NALF1: variants seen among roughly 807,000 people sequenced by gnomAD.
NALF1 encodes NALCN channel auxiliary factor 1.
In NALF1, 3 loss-of-function variants were observed where a neutral mutation model predicts 48.4. That is an observed-to-expected ratio of 0.06 (90% CI 0.03 to 0.16). The LOEUF is 0.16. NALF1 is among the 10% of genes least tolerant of loss of function. The pLI is 1.00. For missense variants in NALF1, 526 were observed against 571.5 expected (o/e 0.92, Z 0.81); for synonymous variants, 262 against 245.7 (o/e 1.07, Z -0.62).
chr13:107,346,348 C>T (rs115315531), intron 1 of NALF1, among the ~76,000 whole-genome samples: 2,469 of 152,152 alleles, frequency 0.016, 76 homozygotes, highest in African/African-American at 0.056. Flanking sequence ...CAGCATTATA[C>T]GCAATATCCA....
At chr13:107,611,066 A>C (rs1350262894) in intron 1 of NALF1, among the ~76,000 whole-genome samples, 1 of 152,160 alleles carries the variant, frequency 6.6e-6, no homozygotes, top group African/African-American at 2.4e-5. Flanking sequence ...ATATCACAAG[A>C]GCAGAAACTG....
intron 1 of NALF1, among the ~76,000 whole-genome samples, chr13:107,725,889 A>G (rs548748019): frequency 6.6e-6 from 1 of 152,254 alleles, no homozygotes; most frequent in African/African-American, 2.4e-5. Context: ...CATATTGCCG[A>G]GTATCCCAGG....
intron 1 of NALF1, among the ~76,000 whole-genome samples, chr13:107,430,652 G>A (rs940091368): frequency 1.3e-5 from 2 of 152,114 alleles, no homozygotes; most frequent in Middle Eastern, 3.2e-3. Flanking sequence ...TGGCTGCATA[G>A]TATTCCATGG....
intron 1 of NALF1, among the ~76,000 whole-genome samples, chr13:107,835,781 G>A (rs1013410444): frequency 6.6e-6 from 1 of 152,094 alleles, no homozygotes; most frequent in Admixed American, 6.5e-5. Context: ...GTGCCAGGCT[G>A]GGGGTTTCGC....
At chr13:107,699,675 C>A (rs377382416) in intron 1 of NALF1, among the ~76,000 whole-genome samples, 10 of 152,012 alleles carry the variant, frequency 6.6e-5, no homozygotes, top group Admixed American at 1.3e-4. Context: ...CAAAAGCAAT[C>A]AGACAAGAAA....
chr13:107,543,985 T>TA (rs56196273), intron 1 of NALF1, among the ~76,000 whole-genome samples: 10 of 152,034 alleles, frequency 6.6e-5, no homozygotes, highest in African/African-American at 2.4e-4. Flanking sequence ...ACCAATTTTT[T>TA]AAAAAATCTA....
chr13:107,847,096 A>G (rs1880191740), intron 1 of NALF1, among the ~76,000 whole-genome samples: 1 of 152,012 alleles, frequency 6.6e-6, no homozygotes, highest in Non-Finnish European at 1.5e-5. Flanking sequence ...GTTTTGGGGA[A>G]AAAAAGAAAA....
intron 1 of NALF1, among the ~76,000 whole-genome samples, chr13:107,317,039 A>T (rs1882163505): frequency 6.6e-6 from 1 of 152,148 alleles, no homozygotes; most frequent in Non-Finnish European, 1.5e-5. Flanking sequence ...AAAACTATTG[A>T]TTGCTATTTA....
intron 1 of NALF1, among the ~76,000 whole-genome samples, chr13:107,534,480 T>C (rs1326574188): frequency 6.6e-6 from 1 of 152,172 alleles, no homozygotes; most frequent in Admixed American, 6.6e-5. Flanking sequence ...TTCCATCTTT[T>C]ATTAAGTTCA....
intron 1 of NALF1, among the ~76,000 whole-genome samples, chr13:107,418,478 T>A (rs1023776867): frequency 1.3e-5 from 2 of 152,166 alleles, no homozygotes; most frequent in African/African-American, 4.8e-5. Context: ...ATAATAAAGA[T>A]TTGTTTCTCT....
chr13:107,289,509 C>A (rs544176086), intron 1 of NALF1, among the ~76,000 whole-genome samples: 35 of 152,190 alleles, frequency 2.3e-4, no homozygotes, highest in African/African-American at 8.2e-4. Context: ...CAGAGGTATA[C>A]CATGTATGTT....
At chr13:107,746,388 G>A (rs953771955) in intron 1 of NALF1, among the ~76,000 whole-genome samples, 3 of 152,076 alleles carry the variant, frequency 2.0e-5, no homozygotes, top group Non-Finnish European at 4.4e-5. Flanking sequence ...ATCGATAACT[G>A]AATCTATATA....
At chr13:107,337,743 T>C (rs571209232) in intron 1 of NALF1, among the ~76,000 whole-genome samples, 5 of 152,320 alleles carry the variant, frequency 3.3e-5, no homozygotes, top group African/African-American at 7.2e-5. Context: ...GGATGTATCA[T>C]AGCACATGTC....
At chr13:107,755,724 C>T (rs1334676885) in intron 1 of NALF1, among the ~76,000 whole-genome samples, 1 of 152,030 alleles carries the variant, frequency 6.6e-6, no homozygotes, top group Admixed American at 6.6e-5. Context: ...TATGTACATA[C>T]ATGCAGAGGA....
At chr13:107,350,835 G>A (rs576613288) in intron 1 of NALF1, among the ~76,000 whole-genome samples, 1 of 152,284 alleles carries the variant, frequency 6.6e-6, no homozygotes, top group Admixed American at 6.5e-5. Context: ...GTGGGTCTTG[G>A]GTAGAGACAC....
At chr13:107,199,103 G>A (rs1298858961) in intron 2 of NALF1, among the ~76,000 whole-genome samples, 3 of 151,342 alleles carry the variant, frequency 2.0e-5, no homozygotes, top group African/African-American at 7.3e-5. Flanking sequence ...TAGTTCAATA[G>A]GACAGATGTC....
chr13:107,521,084 G>A (rs531016672), intron 1 of NALF1, among the ~76,000 whole-genome samples: 11 of 152,276 alleles, frequency 7.2e-5, no homozygotes, highest in African/African-American at 2.4e-4. Context: ...AAGTGATTTT[G>A]CATTCACACA....
intron 1 of NALF1, among the ~76,000 whole-genome samples, chr13:107,661,190 G>A (rs1424447262): frequency 3.3e-5 from 5 of 152,112 alleles, no homozygotes; most frequent in African/African-American, 1.2e-4. Context: ...GAGCAACTTT[G>A]TGTGGATTTG....
intron 1 of NALF1, among the ~76,000 whole-genome samples, chr13:107,220,780 GGAGAA>G (rs753362595): frequency 6.6e-5 from 10 of 152,116 alleles, no homozygotes; most frequent in Non-Finnish European, 1.3e-4. Context: ...GAGGGTTTCT[GGAGAA>G]GAGAAGAGGA....
Sources: allele counts gnomAD v4.1 joint callset (sites outside exome capture counted in the v4.1 genomes callset), GRCh38; gene constraint gnomAD v4.1.1; transcripts MANE v1.5; gene names NCBI Gene and HGNC (gene_info 2026-07-23, HGNC 2026-07-21).